The following ROBO2 variants were observed in gnomAD, a reference collection of about 807,000 sequenced individuals.
The protein encoded by ROBO2 is roundabout homolog 2.
A neutral mutation model predicts 160.8 loss-of-function variants in ROBO2; 53 were observed. The observed-to-expected ratio is 0.33, with a 90% confidence interval of 0.26 to 0.41. The LOEUF (loss-of-function observed/expected upper bound fraction) is 0.41, where lower values mean the gene tolerates loss of function less well. Among genes scored for constraint, ROBO2 ranks in the 10% least tolerant of loss-of-function variants. The probability of loss-of-function intolerance (pLI) is 1.00; values close to 1 mark genes in which losing one functional copy is unlikely to be tolerated. For synonymous variants in ROBO2, 664 were observed against 611.7 expected (o/e 1.09, Z -1.26); for missense variants, 1,577 against 1,722.4 (o/e 0.92, Z 1.49).
chr3:76,990,716 A>G (rs373114424), intron 2 of ROBO2, among the ~76,000 whole-genome samples: 13 of 152,172 alleles, frequency 8.5e-5, no homozygotes, highest in African/African-American at 2.7e-4. Context: ...CATATATAGG[A>G]AAAACCTGAA....
intron 2 of ROBO2, among the ~76,000 whole-genome samples, chr3:76,848,853 A>G (rs1156503363): frequency 6.6e-6 from 1 of 152,230 alleles, no homozygotes; most frequent in Non-Finnish European, 1.5e-5. Flanking sequence ...ATTGGGGGAG[A>G]CACAAACATT....
intron 10 of ROBO2, among the ~76,000 whole-genome samples, chr3:77,562,937 ATTATT>A (rs2093369614): frequency 6.6e-6 from 1 of 152,104 alleles, no homozygotes. Flanking sequence ...TGATAACCTT[ATTATT>A]TTATTTCCTC....
intron 2 of ROBO2, among the ~76,000 whole-genome samples, chr3:76,580,832 C>G (rs73129185): frequency 6.6e-6 from 1 of 151,886 alleles, no homozygotes; most frequent in African/African-American, 2.4e-5. Flanking sequence ...TAGCAGTAAC[C>G]ACAAATGCTT....
intron 2 of ROBO2, among the ~76,000 whole-genome samples, chr3:76,800,390 A>G (rs1430725728): frequency 6.6e-6 from 1 of 152,216 alleles, no homozygotes; most frequent in Non-Finnish European, 1.5e-5. Flanking sequence ...CAAGTTAAAT[A>G]TCTTCTGCAC....
At chr3:76,308,062 C>A (rs2071404884) in intron 2 of ROBO2, among the ~76,000 whole-genome samples, 1 of 152,072 alleles carries the variant, frequency 6.6e-6, no homozygotes, top group Admixed American at 6.6e-5. Flanking sequence ...TCAGTTTATA[C>A]TGTACTAAAT....
chr3:77,135,103 G>T (rs1384942820), intron 2 of ROBO2, among the ~76,000 whole-genome samples: 1 of 152,166 alleles, frequency 6.6e-6, no homozygotes, highest in African/African-American at 2.4e-5. Context: ...GCCCGTATAA[G>T]AGGCTTGCGC....
At chr3:76,410,796 G>A (rs2075447356) in intron 2 of ROBO2, among the ~76,000 whole-genome samples, 1 of 152,130 alleles carries the variant, frequency 6.6e-6, no homozygotes, top group Admixed American at 6.5e-5. Context: ...AAAGGCTATA[G>A]CAATCTTCAC....
intron 2 of ROBO2, among the ~76,000 whole-genome samples, chr3:77,279,853 G>A (rs1992449): frequency 0.68 from 102,583 of 151,926 alleles, 35,712 homozygotes; most frequent in African/African-American, 0.83. Flanking sequence ...CAATTGTGCT[G>A]TTAGAAATTA....
chr3:77,255,734 G>A (rs1316288246), intron 2 of ROBO2, among the ~76,000 whole-genome samples: 1 of 152,240 alleles, frequency 6.6e-6, no homozygotes, highest in East Asian at 1.9e-4. Flanking sequence ...TGTGTTCATG[G>A]TGGAGGAAGA....
At chr3:76,168,487 C>A (rs552960660) in intron 2 of ROBO2, among the ~76,000 whole-genome samples, 1 of 152,054 alleles carries the variant, frequency 6.6e-6, no homozygotes, top group South Asian at 2.1e-4. Context: ...ATTGTCAGTT[C>A]TTCTTAGGTA....
At chr3:76,368,461 A>G (rs950071809) in intron 2 of ROBO2, among the ~76,000 whole-genome samples, 7 of 151,892 alleles carry the variant, frequency 4.6e-5, no homozygotes, top group African/African-American at 1.7e-4. Flanking sequence ...AATAATACAG[A>G]AGGTTGAAGC....
At chr3:76,210,798 C>G (rs533072731) in intron 2 of ROBO2, among the ~76,000 whole-genome samples, 4 of 152,210 alleles carry the variant, frequency 2.6e-5, no homozygotes, top group Non-Finnish European at 5.9e-5. Flanking sequence ...TCTTTCCCCT[C>G]TAGGTAAGAT....
At chr3:76,798,292 G>GAAAGAAAGAAAGAAAGAAAGAAA (rs2063913612) in intron 2 of ROBO2, among the ~76,000 whole-genome samples, 1 of 148,676 alleles carries the variant, frequency 6.7e-6, no homozygotes, top group African/African-American at 2.5e-5. Context: ...AAGAAAGAAA[G>GAAAGAAAGAAAGAAAGAAAGAAA]AAAGAAAGAA....
In ROBO2 at chr3:76,859,902, TG is replaced by T. The variant is rs143286551; in HGVS notation, c.110-238111del. Among the ~76,000 whole-genome samples the T allele has an allele frequency of 6.0e-3, 909 of 152,332 alleles. 10 individuals carry two copies. Among genetic ancestry groups the T allele is most frequent in the African/African-American group, 0.02 (831 of 41,586 alleles). On this transcript the variant is annotated intron_variant, in intron 2 of 26. Transcript: ENST00000487694. ...CACTGAGGAAACCAGATATGACATC[TG>T]TGGCAAGTCTACCTCTCACCAGCAC...
intron 2 of ROBO2, among the ~76,000 whole-genome samples, chr3:76,431,012 G>A (rs1483405505): frequency 6.6e-6 from 1 of 151,954 alleles, no homozygotes; most frequent in Non-Finnish European, 1.5e-5. Flanking sequence ...GATATTTCAT[G>A]AAGTCAACAG....
chr3:76,194,548 A>G (rs1702169864), intron 2 of ROBO2, among the ~76,000 whole-genome samples: 1 of 151,462 alleles, frequency 6.6e-6, no homozygotes, highest in Non-Finnish European at 1.5e-5. Flanking sequence ...TATGTAATAA[A>G]CTCTATAAAT....
At position 76,592,634 on chromosome 3, in the gene ROBO2, A is replaced by G. The variant is rs116662594; in HGVS notation, c.110-505380A>G. 3.2e-3 allele frequency among the ~76,000 whole-genome samples: 494 copies of G among 152,202 alleles called. 3 individuals carry two copies. The highest frequency in any genetic ancestry group is 5.7e-3 in the Non-Finnish European group (389 of 67,948). ...GTTTCTTGTCACTGGGTAACAAATT[A>G]CTACCAAATTAGTGGCTTAAAATAG... is the stretch of plus-strand genomic sequence containing the variant. On this transcript the variant is annotated intron_variant, in intron 2 of 26. Coordinates refer to the ROBO2 transcript ENST00000487694.
At chr3:76,234,339 A>C (rs542549805) in intron 2 of ROBO2, among the ~76,000 whole-genome samples, 1 of 152,176 alleles carries the variant, frequency 6.6e-6, no homozygotes, top group African/African-American at 2.4e-5. Context: ...TGTTGGGTTG[A>C]GTGGGAATTC....
intron 2 of ROBO2, among the ~76,000 whole-genome samples, chr3:77,429,113 G>A (rs552268771): frequency 2.0e-5 from 3 of 152,284 alleles, no homozygotes; most frequent in Admixed American, 6.5e-5. Flanking sequence ...AAACTTCAGA[G>A]TCGTATCCTA....
Sources: allele counts gnomAD v4.1 joint callset (sites outside exome capture counted in the v4.1 genomes callset), GRCh38; gene constraint gnomAD v4.1.1; transcripts MANE v1.5; gene names NCBI Gene and HGNC (gene_info 2026-07-23, HGNC 2026-07-21).